Variants in ARHGEF18 observed in about 807,000 individuals in gnomAD.
The protein encoded by ARHGEF18 is Rho/Rac guanine nucleotide exchange factor 18.
Under a neutral mutation model 155.7 loss-of-function variants are expected in ARHGEF18, and 93 were observed. That is an observed-to-expected ratio of 0.60 (90% CI 0.50 to 0.71). The LOEUF is 0.71. Ranked by LOEUF, ARHGEF18 falls within the 30% of genes least tolerant of loss-of-function variation. ARHGEF18 has a pLI of 0.00. For synonymous variants in ARHGEF18, 742 were observed against 753.1 expected (o/e 0.99, Z 0.24); for missense variants, 1,593 against 1,816.1 (o/e 0.88, Z 2.23).
At position 7,440,502 on chromosome 19, in the gene ARHGEF18, G is replaced by A. The variant is rs376793767; in HGVS notation, c.1106+20G>A. ...ACTCGGGTAAGCCAGGGTCCCCTCT[G>A]TGCCCTCGGGTGGGTGGTGGCATTC... On this transcript the variant is annotated intron_variant, in intron 11 of 28. Transcript: ENST00000668164. This position sits in a 1 kb window ranked among gnomAD's most constrained non-coding sequence, Gnocchi z 5.4. 1.5e-5 allele frequency: 23 copies of A among 1,577,698 alleles called. No individual in the cohort carries two copies. The African/African-American group carries it at 2.9e-4, about 20-fold the overall frequency.
intron 1 of ARHGEF18, among the ~76,000 whole-genome samples, chr19:7,352,022 A>C (rs1437172839): frequency 1.3e-5 from 2 of 151,684 alleles, no homozygotes; most frequent in Non-Finnish European, 2.9e-5. Flanking sequence ...TAGCATCTTT[A>C]TCTCCTGTAG....
rs994198570 is a variant in ARHGEF18 at position 7,472,304 on chromosome 19, C to A, written c.*2006C>A. 1 of 152,584 alleles carries A rather than the reference C, an allele frequency of 6.6e-6. No homozygotes were observed. Among genetic ancestry groups the A allele is most frequent in the Non-Finnish European group, 1.5e-5 (1 of 68,192 alleles). The allele number at this position is 152,584 out of a possible 1,614,324, so 9.5% of individuals were successfully genotyped here. A position where few individuals can be genotyped will look rare whatever the true frequency, so the allele number is the denominator to read the frequency against. On this transcript the variant is annotated 3_prime_UTR_variant, in exon 29 of 29. Coordinates refer to ENST00000668164, the MANE Select transcript of ARHGEF18 (RefSeq NM_001367823.1). ...CGATTTTATTTGTAAAGTTGACAGT[C>A]GAGCAAATGTTCCTATTTTCGTGGG...
intron 10 of ARHGEF18, among the ~76,000 whole-genome samples, chr19:7,433,516 A>G (rs1203966665): frequency 6.8e-6 from 1 of 147,782 alleles, no homozygotes; most frequent in African/African-American, 2.5e-5. Context: ...CCAAAAAAAA[A>G]AAAAAAAAAA....
chr19:7,397,782 T>C (rs1269518905), intron 10 of ARHGEF18, among the ~76,000 whole-genome samples: 1 of 152,048 alleles, frequency 6.6e-6, no homozygotes, highest in Non-Finnish European at 1.5e-5. Flanking sequence ...TTGCCCAGGC[T>C]GGTCTTGAAG....
the ARHGEF18 span, among the ~76,000 whole-genome samples, chr19:7,477,887 T>G: frequency 6.6e-6 from 1 of 152,226 alleles, no homozygotes; most frequent in Non-Finnish European, 1.5e-5. Context: ...CCAGGCGTGC[T>G]GGCCCGTGCC....
intron 4 of ARHGEF18, among the ~76,000 whole-genome samples, chr19:7,376,175 G>C (rs1182106557): frequency 6.6e-6 from 1 of 152,188 alleles, no homozygotes; most frequent in Admixed American, 6.5e-5. Context: ...GCCAGGCTTG[G>C]AGGATCTTTG....
chr19:7,469,842 GC>G, intron 27 of ARHGEF18, 61 bp from the exon 28 acceptor site: 1 of 1,583,556 alleles, frequency 6.3e-7, no homozygotes, highest in Non-Finnish European at 8.6e-7. Flanking sequence ...CTCGGAGGCT[GC>G]CCTGGCGGGT....
intron 10 of ARHGEF18, among the ~76,000 whole-genome samples, chr19:7,439,112 T>C (rs1458393622): frequency 6.6e-6 from 1 of 150,626 alleles, no homozygotes; most frequent in East Asian, 2.0e-4. Context: ...CTTGAACTCC[T>C]GACCTTGTGA....
At chr19:7,451,337 C>T in intron 16 of ARHGEF18, 71 bp downstream of exon 16, 2 of 1,296,168 alleles carry the variant, frequency 1.5e-6, no homozygotes, top group South Asian at 1.3e-5. Context: ...GTACCCACTC[C>T]CTATTTGAGC....
intron 2 of ARHGEF18, among the ~76,000 whole-genome samples, chr19:7,367,414 G>T (rs1969933065): frequency 6.6e-6 from 1 of 152,022 alleles, no homozygotes; most frequent in East Asian, 1.9e-4. Context: ...GACCAGCCTG[G>T]GCAACATAAC....
chr19:7,434,086 G>C (rs1974122563), intron 10 of ARHGEF18, among the ~76,000 whole-genome samples: 1 of 151,556 alleles, frequency 6.6e-6, no homozygotes, highest in African/African-American at 2.4e-5. Flanking sequence ...ATGCAGGTGG[G>C]ATCCTGACAC....
downstream of ARHGEF18, among the ~76,000 whole-genome samples, chr19:7,475,935 G>A (rs555185582): frequency 2.1e-4 from 32 of 152,200 alleles, no homozygotes; most frequent in Non-Finnish European, 3.2e-4. Context: ...TGGCCCACTC[G>A]TGAGTCCTGG....
chr19:7,460,060 G>A, intron 20 of ARHGEF18, 66 bp downstream of exon 20: 2 of 1,458,488 alleles, frequency 1.4e-6, no homozygotes, highest in Middle Eastern at 1.8e-4. Context: ...CATCAGGACT[G>A]GCCACAGAGG....
intron 1 of ARHGEF18, among the ~76,000 whole-genome samples, chr19:7,360,596 G>C (rs1177125635): frequency 6.6e-6 from 1 of 152,148 alleles, no homozygotes; most frequent in Non-Finnish European, 1.5e-5. Context: ...CAGATACAGG[G>C]CATGAGGTCC....
chr19:7,358,965 AG>A, intron 1 of ARHGEF18, among the ~76,000 whole-genome samples: 1 of 152,348 alleles, frequency 6.6e-6, no homozygotes, highest in East Asian at 1.9e-4. Flanking sequence ...AGCATGGATC[AG>A]CAAACCTTTT....
intron 10 of ARHGEF18, among the ~76,000 whole-genome samples, chr19:7,418,799 G>A (rs931276978): frequency 2.0e-5 from 3 of 152,034 alleles, no homozygotes; most frequent in African/African-American, 7.3e-5. Flanking sequence ...GAGAGAGGGA[G>A]GAGAGGAGGT....
At chr19:7,428,651 G>A (rs62111745) in intron 10 of ARHGEF18, among the ~76,000 whole-genome samples, 45,989 of 151,742 alleles carry the variant, frequency 0.3, 7,429 homozygotes, top group Middle Eastern at 0.54. Context: ...AGGCTGCAGC[G>A]AGCTATGACC....
intron 2 of ARHGEF18, among the ~76,000 whole-genome samples, chr19:7,364,385 G>GA (rs1247552528): frequency 6.9e-6 from 1 of 144,656 alleles, no homozygotes; most frequent in Non-Finnish European, 1.5e-5. Context: ...AGGAAGGAAG[G>GA]AAGGAAGGAA....
chr19:7,473,145 C>G (rs1237481383), downstream of ARHGEF18: 3 of 456,124 alleles, frequency 6.6e-6, no homozygotes, highest in Non-Finnish European at 1.3e-5. Flanking sequence ...GGCAGCTTGG[C>G]CATGAGTATG....
Sources: allele counts gnomAD v4.1 joint callset (sites outside exome capture counted in the v4.1 genomes callset), GRCh38; gene constraint gnomAD v4.1.1; non-coding constraint Gnocchi (gnomAD v3.1); transcripts MANE v1.5; gene names NCBI Gene and HGNC (gene_info 2026-07-23, HGNC 2026-07-21).